The following GIPC2 variants were observed in gnomAD, a reference collection of about 807,000 sequenced individuals.
The protein encoded by GIPC2 is PDZ domain-containing protein GIPC2.
Under a neutral mutation model 30.6 loss-of-function variants are expected in GIPC2, and 30 were observed. The observed-to-expected ratio is 0.98, with a 90% CI of 0.73 to 1.33. The LOEUF is 1.33. GIPC2 is among the 40% of genes most tolerant of loss of function. The probability of loss-of-function intolerance (pLI) is 0.00; values close to 1 mark genes in which losing one functional copy is unlikely to be tolerated. For missense variants in GIPC2, 414 were observed against 390.3 expected (o/e 1.06, Z -0.51); for synonymous variants, 167 against 150.0 (o/e 1.11, Z -0.83).
chr1:78,072,971 A>AT (rs34010622), intron 1 of GIPC2, among the ~76,000 whole-genome samples: 3,611 of 149,112 alleles, frequency 0.024, 42 homozygotes, highest in Middle Eastern at 0.072. Flanking sequence ...CGCCCAGCTA[A>AT]TTTTTTTTTT....
intron 4 of GIPC2, 25 bp downstream of exon 4, chr1:78,119,524 G>A (rs1477767063): frequency 7.4e-7 from 1 of 1,355,350 alleles, no homozygotes; most frequent in African/African-American, 1.4e-5. Context: ...TTTACTTCCT[G>A]TTCTGCTTGG....
chr1:78,116,103 A>C (rs988447334), intron 3 of GIPC2, among the ~76,000 whole-genome samples: 1 of 152,196 alleles, frequency 6.6e-6, no homozygotes, highest in Admixed American at 6.5e-5. Context: ...ATCATGGCGG[A>C]AGGGAAAGCA....
intron 3 of GIPC2, among the ~76,000 whole-genome samples, chr1:78,112,840 A>G (rs1373866990): frequency 6.6e-6 from 1 of 152,218 alleles, no homozygotes; most frequent in Non-Finnish European, 1.5e-5. Context: ...CAGTTAAAAT[A>G]GGCTCTTGTA....
chr1:78,094,927 T>C, intron 2 of GIPC2, 25 bp from the exon 3 acceptor site: 6 of 1,468,714 alleles, frequency 4.1e-6, no homozygotes, highest in Non-Finnish European at 5.7e-6. Context: ...TATTTTATAT[T>C]ATGTTATCAT....
intron 2 of GIPC2, among the ~76,000 whole-genome samples, chr1:78,083,526 CCT>C (rs1402804286): frequency 1.3e-5 from 2 of 151,956 alleles, no homozygotes; most frequent in African/African-American, 4.8e-5. Flanking sequence ...ATGAAAATAC[CCT>C]GTTTTCTTAC....
chr1:78,074,934 A>T (rs1226340092), intron 1 of GIPC2, among the ~76,000 whole-genome samples: 1 of 152,176 alleles, frequency 6.6e-6, no homozygotes, highest in Non-Finnish European at 1.5e-5. Context: ...AAGAACTTTT[A>T]AACTATGAAG....
chr1:78,087,326 C>T (rs1210978603), intron 2 of GIPC2, among the ~76,000 whole-genome samples: 1 of 152,160 alleles, frequency 6.6e-6, no homozygotes, highest in Non-Finnish European at 1.5e-5. Flanking sequence ...CTGGAGGCAT[C>T]ATATTACCCG....
intron 2 of GIPC2, among the ~76,000 whole-genome samples, chr1:78,082,033 A>G (rs547121731): frequency 3.0e-4 from 46 of 152,270 alleles, no homozygotes; most frequent in Non-Finnish European, 5.7e-4. Context: ...TCTGGCATCT[A>G]TTGCCATGAA....
intron 5 of GIPC2, 120 bp downstream of exon 5, chr1:78,126,082 G>T: frequency 8.8e-6 from 5 of 569,762 alleles, no homozygotes; most frequent in South Asian, 2.2e-5. Context: ...ATGATGAAAA[G>T]AATAACAGAC....
intron 1 of GIPC2, among the ~76,000 whole-genome samples, chr1:78,058,049 T>C (rs959707696): frequency 3.3e-5 from 5 of 152,200 alleles, no homozygotes; most frequent in African/African-American, 1.2e-4. Context: ...CTGGAAAATG[T>C]TCCATCATTT....
Position 78,046,262 on chromosome 1 carries a change from A to G in GIPC2, c.168A>G (p.Arg56=), listed in dbSNP as rs756290955. Residue 56 remains arginine, a synonymous_variant, in exon 1 of 6, where the codon CGA becomes CGG. Coordinates refer to ENST00000370759, the MANE Select transcript of GIPC2 (RefSeq NM_017655.6). ...AQLAHGSATG[R]VEGFSSIQEL... ...TGGCGCACGGTAGTGCCACGGGCCG[A>G]GTGGAGGGCTTCTCCAGCATCCAGG... The G allele has an allele frequency of 1.9e-6, 3 of 1,611,130 alleles. No homozygotes were observed. Among genetic ancestry groups the G allele is most frequent in the East Asian group, 4.5e-5 (2 of 44,656 alleles).
At chr1:78,063,291 C>T (rs114576091) in intron 1 of GIPC2, among the ~76,000 whole-genome samples, 5,157 of 149,148 alleles carry the variant, frequency 0.035, 188 homozygotes, top group African/African-American at 0.1. Context: ...CAGGAGTTCG[C>T]GACCAGCCTG....
At chr1:78,127,429 T>C (rs1662802667) in intron 5 of GIPC2, among the ~76,000 whole-genome samples, 1 of 152,180 alleles carries the variant, frequency 6.6e-6, no homozygotes, top group Admixed American at 6.5e-5. Flanking sequence ...TTCGTAAAGG[T>C]GAAAACAGAG....
intron 1 of GIPC2, chr1:78,069,135 G>A: frequency 2.0e-6 from 2 of 976,888 alleles, no homozygotes; most frequent in Non-Finnish European, 2.4e-6. Flanking sequence ...AGGTCAGTCA[G>A]CCAGGGCAGT....
At chr1:78,100,541 G>A (rs1320832589) in intron 3 of GIPC2, among the ~76,000 whole-genome samples, 1 of 152,148 alleles carries the variant, frequency 6.6e-6, no homozygotes, top group East Asian at 1.9e-4. Context: ...AGCTGGCAAA[G>A]AAATAGATAT....
intron 5 of GIPC2, among the ~76,000 whole-genome samples, chr1:78,130,307 T>C (rs1399954450): frequency 6.6e-6 from 1 of 152,136 alleles, no homozygotes; most frequent in Non-Finnish European, 1.5e-5. Context: ...TTTCACCATG[T>C]TGACCAGGCT....
At chr1:78,080,196 T>G (rs1372465424) in intron 1 of GIPC2, among the ~76,000 whole-genome samples, 1 of 152,210 alleles carries the variant, frequency 6.6e-6, no homozygotes, top group East Asian at 1.9e-4. Flanking sequence ...TTGTAGTGTA[T>G]GCATGATGCA....
chr1:78,125,680 CACTT>C (rs1662768608), intron 4 of GIPC2, among the ~76,000 whole-genome samples, 197 bp from the exon 5 acceptor site: 1 of 152,118 alleles, frequency 6.6e-6, no homozygotes, highest in Non-Finnish European at 1.5e-5. Context: ...GAATCCGTAA[CACTT>C]AGTGCTGACA....
chr1:78,058,352 G>A (rs1571475875), intron 1 of GIPC2, among the ~76,000 whole-genome samples: 1 of 152,136 alleles, frequency 6.6e-6, no homozygotes, highest in African/African-American at 2.4e-5. Flanking sequence ...TGTAGAGTTG[G>A]AAGAGTCTTT....
Sources: gnomAD v4.1 joint callset for allele counts (sites outside exome capture counted in the v4.1 genomes callset) on GRCh38, gnomAD v4.1.1 for gene constraint, MANE v1.5 for transcripts, NCBI Gene and HGNC (gene_info 2026-07-23, HGNC 2026-07-21) for gene names.